LRP1B: variants seen among roughly 807,000 people sequenced by gnomAD.
The protein encoded by LRP1B is LDL receptor related protein 1B.
Under a neutral mutation model 556.6 loss-of-function variants are expected in LRP1B, and 217 were observed. That is an observed-to-expected ratio of 0.39 (90% CI 0.35 to 0.44). LRP1B has a LOEUF of 0.44. LRP1B is among the 20% of genes least tolerant of loss of function. The probability of loss-of-function intolerance (pLI) is 1.00; values close to 1 mark genes in which losing one functional copy is unlikely to be tolerated. For missense variants in LRP1B, 5,053 were observed against 5,620.8 expected (o/e 0.90, Z 3.23); for synonymous variants, 2,047 against 1,865.8 (o/e 1.10, Z -2.50).
At chr2:140,867,915 T>C (rs2105154932) in intron 26 of LRP1B, 81 bp from the exon 27 acceptor site, 3 of 1,408,182 alleles carry the variant, frequency 2.1e-6, no homozygotes, top group Non-Finnish European at 2.8e-6. Context: ...CTCAGCTAAA[T>C]GACAAAAAAG....
At chr2:141,168,985 G>T (rs1308242222) in intron 7 of LRP1B, among the ~76,000 whole-genome samples, 1 of 151,922 alleles carries the variant, frequency 6.6e-6, no homozygotes, top group Non-Finnish European at 1.5e-5. Flanking sequence ...GAGCAAAGTT[G>T]GTTAGAAGAG....
At chr2:142,088,997 GAAAA>G (rs1285131830) in intron 1 of LRP1B, among the ~76,000 whole-genome samples, 1 of 22,900 alleles carries the variant, frequency 4.4e-5, no homozygotes, top group African/African-American at 1.2e-4. Flanking sequence ...AAAAAAAAAA[GAAAA>G]AGAAAAAGTT....
intron 31 of LRP1B, among the ~76,000 whole-genome samples, chr2:140,836,713 C>A (rs1262014405): frequency 1.3e-5 from 2 of 152,032 alleles, no homozygotes; most frequent in Non-Finnish European, 2.9e-5. Context: ...CAGTATATAG[C>A]AAGCTGGGGA....
At chr2:140,690,719 C>A (rs890572360) in intron 41 of LRP1B, among the ~76,000 whole-genome samples, 2 of 152,112 alleles carry the variant, frequency 1.3e-5, no homozygotes, top group Admixed American at 6.5e-5. Flanking sequence ...GACCATGTAA[C>A]CCTTTCTCTT....
At chr2:140,928,519 C>A (rs2105267168) in intron 20 of LRP1B, among the ~76,000 whole-genome samples, 1 of 152,142 alleles carries the variant, frequency 6.6e-6, no homozygotes, top group East Asian at 1.9e-4. Flanking sequence ...TCTGGATGGC[C>A]TCATATCTGA....
chr2:141,410,580 G>C (rs1385394916), intron 3 of LRP1B, among the ~76,000 whole-genome samples: 1 of 151,922 alleles, frequency 6.6e-6, no homozygotes, highest in Non-Finnish European at 1.5e-5. Flanking sequence ...ACGAAATGAT[G>C]GCTATATATC....
chr2:141,657,350 A>T (rs990789003), intron 2 of LRP1B, among the ~76,000 whole-genome samples: 1 of 152,104 alleles, frequency 6.6e-6, no homozygotes, highest in African/African-American at 2.4e-5. Flanking sequence ...TTAATTCTTG[A>T]TGAAGTCTTT....
intron 7 of LRP1B, among the ~76,000 whole-genome samples, chr2:141,165,930 C>A (rs1411199677): frequency 6.6e-6 from 1 of 151,886 alleles, no homozygotes. Flanking sequence ...TAAAGTAAAT[C>A]TCTTCTATAC....
chr2:141,427,685 G>A (rs545808038), intron 3 of LRP1B, among the ~76,000 whole-genome samples: 1 of 151,982 alleles, frequency 6.6e-6, no homozygotes, highest in South Asian at 2.1e-4. Context: ...GTTTTGTTTT[G>A]TTTTTGTGGA....
intron 3 of LRP1B, among the ~76,000 whole-genome samples, chr2:141,314,094 T>C (rs1686908879): frequency 6.6e-6 from 1 of 152,194 alleles, no homozygotes; most frequent in Non-Finnish European, 1.5e-5. Flanking sequence ...TTGGCCTTAG[T>C]TGAAAACAAA....
intron 3 of LRP1B, among the ~76,000 whole-genome samples, chr2:141,265,708 T>C (rs1470073705): frequency 6.6e-6 from 1 of 151,890 alleles, no homozygotes; most frequent in Non-Finnish European, 1.5e-5. Context: ...GAGATAGATG[T>C]GTGTGTGTGT....
intron 1 of LRP1B, among the ~76,000 whole-genome samples, chr2:142,006,841 G>A (rs1432788386): frequency 2.0e-5 from 3 of 152,112 alleles, no homozygotes; most frequent in East Asian, 3.9e-4. Flanking sequence ...TCTAAAGTTG[G>A]AAAGATGGGA....
At chr2:142,076,638 GCTT>G (rs1705512741) in intron 1 of LRP1B, among the ~76,000 whole-genome samples, 2 of 152,046 alleles carry the variant, frequency 1.3e-5, no homozygotes, top group African/African-American at 4.8e-5. Context: ...TTAAATAGCT[GCTT>G]CTTCTTTAAA....
At chr2:141,718,910 C>T (rs1254518267) in intron 2 of LRP1B, among the ~76,000 whole-genome samples, 1 of 152,078 alleles carries the variant, frequency 6.6e-6, no homozygotes, top group Non-Finnish European at 1.5e-5. Context: ...TTAATCTTGT[C>T]AATGACTGAA....
chr2:140,657,397 G>A (rs562221551), intron 41 of LRP1B, among the ~76,000 whole-genome samples: 3 of 151,686 alleles, frequency 2.0e-5, no homozygotes, highest in African/African-American at 7.2e-5. Context: ...TAAGACCAGA[G>A]TAAATCTTTA....
chr2:140,822,829 G>A (rs1691372691), intron 31 of LRP1B, among the ~76,000 whole-genome samples: 1 of 152,188 alleles, frequency 6.6e-6, no homozygotes, highest in Non-Finnish European at 1.5e-5. Flanking sequence ...TATGGTTTTA[G>A]AAGCAAATAA....
chr2:142,045,647 TA>T (rs1360809391), intron 1 of LRP1B, among the ~76,000 whole-genome samples: 1 of 151,924 alleles, frequency 6.6e-6, no homozygotes, highest in Non-Finnish European at 1.5e-5. Context: ...ACATAATATC[TA>T]ATATATTTAA....
chr2:140,893,498 C>T (rs1051780560), intron 23 of LRP1B, among the ~76,000 whole-genome samples: 1 of 152,186 alleles, frequency 6.6e-6, no homozygotes, highest in Non-Finnish European at 1.5e-5. Flanking sequence ...AACCTTTGCC[C>T]TAACATCTCT....
chr2:140,773,508 A>G (rs1377696222), intron 33 of LRP1B, among the ~76,000 whole-genome samples: 2 of 152,028 alleles, frequency 1.3e-5, no homozygotes, highest in African/African-American at 4.8e-5. Context: ...GAGGGGTTAC[A>G]TAGCCTTGAT....
Sources: gnomAD v4.1 joint callset for allele counts (sites outside exome capture counted in the v4.1 genomes callset) on GRCh38, gnomAD v4.1.1 for gene constraint, MANE v1.5 for transcripts, NCBI Gene and HGNC (gene_info 2026-07-23, HGNC 2026-07-21) for gene names.